FTO: variants seen among roughly 807,000 people sequenced by gnomAD.
The protein encoded by FTO is alpha-ketoglutarate-dependent dioxygenase FTO.
FTO carries 47 observed loss-of-function variants against 63.9 expected under a neutral mutation model. The ratio of observed to expected loss-of-function variants is 0.74; its 90% CI spans 0.58 to 0.94. FTO has a LOEUF of 0.94. Ranked by LOEUF, FTO falls within the 40% of genes least tolerant of loss-of-function variation. FTO has a pLI of 0.00. For synonymous variants in FTO, 207 were observed against 224.4 expected, an observed-to-expected ratio of 0.92 and a Z score of 0.69; for missense variants, 562 against 618.1, an observed-to-expected ratio of 0.91 and a Z score of 0.96.
At chr16:53,726,386 T>C (rs1358991642) in intron 1 of FTO, among the ~76,000 whole-genome samples, 1 of 152,228 alleles carries the variant, frequency 6.6e-6, no homozygotes, top group East Asian at 1.9e-4. Flanking sequence ...AGTTTTTTTC[T>C]GTGCCATTTT....
intron 1 of FTO, among the ~76,000 whole-genome samples, chr16:53,759,693 C>CAAAAAAAAAAAAAA (rs758376530): frequency 7.0e-5 from 2 of 28,510 alleles, no homozygotes; most frequent in Non-Finnish European, 1.3e-4. Context: ...GACTCCTTCT[C>CAAAAAAAAAAAAAA]AAAAAAAAAA....
chr16:53,805,974 C>A (rs1439203491), intron 1 of FTO, among the ~76,000 whole-genome samples: 1 of 152,162 alleles, frequency 6.6e-6, no homozygotes, highest in Non-Finnish European at 1.5e-5. Context: ...TGCTGCAGGG[C>A]CCAGCTGTGT....
At chr16:53,948,672 A>G (rs971362357) in intron 8 of FTO, among the ~76,000 whole-genome samples, 6 of 152,246 alleles carry the variant, frequency 3.9e-5, no homozygotes, top group African/African-American at 1.2e-4. Context: ...TTGTATGTGT[A>G]TGCTTCCGAA....
At chr16:53,941,810 A>G (rs1206486799) in intron 8 of FTO, among the ~76,000 whole-genome samples, 6 of 152,182 alleles carry the variant, frequency 3.9e-5, no homozygotes, top group African/African-American at 1.4e-4. Context: ...TTGCATCACT[A>G]CACTCCAGCC....
At position 54,115,675 on chromosome 16, in the gene FTO, A is replaced by AG. The variant is rs1464878372; in HGVS notation, c.*3764dup. ...AAGCCGAGAAGACCAGGAGGGGAGA[A>AG]GGGGAGATGTAGGGCAGAGCAGACG... is the stretch of plus-strand genomic sequence containing the variant. On this transcript the variant is annotated 3_prime_UTR_variant, in exon 9 of 9. Coordinates refer to ENST00000471389, the MANE Select transcript of FTO (RefSeq NM_001080432.3). 5 of 152,280 alleles carry AG rather than the reference A, an allele frequency of 3.3e-5. No individual in the cohort carries two copies. Among genetic ancestry groups the AG allele is most frequent in the Non-Finnish European group, 5.9e-5 (4 of 68,200 alleles). 9.4% of individuals were successfully genotyped at this position (152,280 alleles called of 1,614,324 possible).
chr16:53,835,907 T>TTTTTGATTG (rs2079276014), intron 3 of FTO, among the ~76,000 whole-genome samples: 1 of 149,724 alleles, frequency 6.7e-6, no homozygotes. Context: ...TTTTTTTTTT[T>TTTTTGATTG]GAGATGGAGT....
At chr16:53,743,000 C>T (rs1324764064) in intron 1 of FTO, among the ~76,000 whole-genome samples, 2 of 152,156 alleles carry the variant, frequency 1.3e-5, no homozygotes, top group African/African-American at 4.8e-5. Flanking sequence ...ATTTTCTGCA[C>T]ACTCCATGAT....
chr16:53,704,125 C>CG (rs1014509969), upstream of FTO: 54 of 1,498,128 alleles, frequency 3.6e-5, no homozygotes, highest in East Asian at 1.7e-4. Context: ...ATGCAGGAGG[C>CG]GGGGTCCAGG....
In FTO at chr16:53,862,278, A is replaced by G. The variant is rs373075776; in HGVS notation, c.896-11508A>G. 1.8e-4 allele frequency among the ~76,000 whole-genome samples: 27 copies of G among 152,024 alleles called. No homozygotes were observed. The East Asian group carries it at 3.3e-3, about 19-fold the overall frequency. On this transcript the variant is annotated intron_variant, in intron 4 of 8. Transcript: ENST00000471389. ...CAAACAAACAAACAAAAAAACCACC[A>G]CCAACAACTCTATGGATATCGTTCT...
At position 53,960,327 on chromosome 16, in the gene FTO, C is replaced by T. The variant is rs140921426; in HGVS notation, c.1364+26218C>T. Among the ~76,000 whole-genome samples, 1,003 of 152,262 alleles carry T rather than the reference C, an allele frequency of 6.6e-3. 15 individuals carry two copies. The highest frequency in any genetic ancestry group is 0.023 in the African/African-American group (970 of 41,538). ...ATGTGTGCCCAGCTGTGAGTGTATC[C>T]GTGTATAAATCCACTCACTACACTT... On this transcript the variant is annotated intron_variant, in intron 8 of 8. Coordinates refer to ENST00000471389, the MANE Select transcript of FTO (RefSeq NM_001080432.3).
rs140962127 is a variant in FTO at position 53,941,936 on chromosome 16, T to C, written c.1364+7827T>C. On this transcript the variant is annotated intron_variant, in intron 8 of 8. Coordinates refer to ENST00000471389, the MANE Select transcript of FTO (RefSeq NM_001080432.3). The stretch of plus-strand genomic sequence containing the variant: ...AATGCCCTCTATCAAAGGACCTCAT[T>C]GCCTGTTTACCACATATCCCTGGCA... 3.6e-4 allele frequency among the ~76,000 whole-genome samples: 55 copies of C among 152,344 alleles called. 1 individual carries two copies. The East Asian group carries it at 9.3e-3, about 26-fold the overall frequency.
At chr16:53,961,852 C>T (rs776798496) in intron 8 of FTO, among the ~76,000 whole-genome samples, 7 of 152,152 alleles carry the variant, frequency 4.6e-5, no homozygotes, top group South Asian at 2.1e-4. Context: ...GCACAGTATA[C>T]GCTTAGGTAA....
At chr16:53,787,807 G>A (rs918368001) in intron 1 of FTO, among the ~76,000 whole-genome samples, 3 of 152,186 alleles carry the variant, frequency 2.0e-5, no homozygotes, top group Non-Finnish European at 4.4e-5. Flanking sequence ...AGGCAAATGA[G>A]CGTAGACTCC....
chr16:53,967,509 G>A (rs188590204), intron 8 of FTO, among the ~76,000 whole-genome samples: 1 of 152,244 alleles, frequency 6.6e-6, no homozygotes, highest in Admixed American at 6.5e-5. Flanking sequence ...TGTACAGTGT[G>A]TGCACTTGGC....
intron 8 of FTO, among the ~76,000 whole-genome samples, chr16:53,995,503 G>A (rs1037267261): frequency 2.0e-5 from 3 of 152,144 alleles, no homozygotes; most frequent in Non-Finnish European, 4.4e-5. Flanking sequence ...TGAGAGACCC[G>A]GGGCTAGAAA....
At chr16:53,775,456 CT>C (rs2077438320) in intron 1 of FTO, among the ~76,000 whole-genome samples, 2 of 152,246 alleles carry the variant, frequency 1.3e-5, no homozygotes, top group South Asian at 2.1e-4. Flanking sequence ...CCTTATCTGG[CT>C]TTTGGTTTCT....
chr16:53,859,278 T>G (rs897381504), intron 4 of FTO, among the ~76,000 whole-genome samples: 1 of 152,106 alleles, frequency 6.6e-6, no homozygotes, highest in Admixed American at 6.6e-5. Flanking sequence ...TTCTATGTCT[T>G]CTGACCTCCT....
chr16:53,729,286 T>G (rs933973619), intron 1 of FTO, among the ~76,000 whole-genome samples: 1 of 151,106 alleles, frequency 6.6e-6, no homozygotes, highest in Non-Finnish European at 1.5e-5. Context: ...CCTAGCACTT[T>G]GGGAGGCCGA....
At chr16:53,945,669 T>C (rs1163825803) in intron 8 of FTO, among the ~76,000 whole-genome samples, 2 of 152,240 alleles carry the variant, frequency 1.3e-5, no homozygotes, top group Admixed American at 6.5e-5. Context: ...CATGGATCTT[T>C]TAAAGGAAAG....
Sources: allele counts gnomAD v4.1 joint callset (sites outside exome capture counted in the v4.1 genomes callset), GRCh38; gene constraint gnomAD v4.1.1; transcripts MANE v1.5; gene names NCBI Gene and HGNC (gene_info 2026-07-23, HGNC 2026-07-21).